The following ALDH18A1 variants were observed in gnomAD, a reference collection of about 807,000 sequenced individuals.
The protein encoded by ALDH18A1 is aldehyde dehydrogenase 18 family member A1.
Under a neutral mutation model 88.8 loss-of-function variants are expected in ALDH18A1, and 44 were observed. The observed-to-expected ratio is 0.50, with a 90% confidence interval of 0.39 to 0.64. The LOEUF (loss-of-function observed/expected upper bound fraction) is 0.64. Ranked by LOEUF, ALDH18A1 falls within the 30% of genes least tolerant of loss-of-function variation. The probability of loss-of-function intolerance (pLI) is 0.00; values close to 1 mark genes in which losing one functional copy is unlikely to be tolerated. For missense variants in ALDH18A1, 782 were observed against 1,009.5 expected (o/e 0.77, Z 3.05); for synonymous variants, 331 against 372.1 (o/e 0.89, Z 1.27).
At chr10:95,641,724 A>T (rs1378794954) in intron 3 of ALDH18A1, among the ~76,000 whole-genome samples, 1 of 152,060 alleles carries the variant, frequency 6.6e-6, no homozygotes, top group Non-Finnish European at 1.5e-5. Context: ...TTGCAGCCTC[A>T]ATCTCCCAGG....
At chr10:95,617,524 C>T (rs2097846014) in intron 12 of ALDH18A1, among the ~76,000 whole-genome samples, 1 of 152,236 alleles carries the variant, frequency 6.6e-6, no homozygotes, top group Admixed American at 6.5e-5. Flanking sequence ...GTCTTTTTCC[C>T]ACATGCCTGT....
chr10:95,627,651 G>C, intron 8 of ALDH18A1, 65 bp from the exon 9 acceptor site: 1 of 1,579,266 alleles, frequency 6.3e-7, no homozygotes, highest in Middle Eastern at 1.7e-4. Context: ...TTTTAAACTT[G>C]CAAAAAGATA....
chr10:95,650,310 A>C (rs2097908450), intron 2 of ALDH18A1, among the ~76,000 whole-genome samples: 1 of 152,198 alleles, frequency 6.6e-6, no homozygotes, highest in South Asian at 2.1e-4. Context: ...ACTGGGAGAA[A>C]ACATTTGCAA....
chr10:95,625,563 T>A, intron 10 of ALDH18A1, 108 bp from the exon 11 acceptor site: 1 of 854,408 alleles, frequency 1.2e-6, no homozygotes, highest in Non-Finnish European at 2.0e-6. Flanking sequence ...TGCTCCCACA[T>A]CCACGGTCAT....
At chr10:95,641,921 C>T (rs181098003) in intron 3 of ALDH18A1, among the ~76,000 whole-genome samples, 6 of 152,096 alleles carry the variant, frequency 3.9e-5, no homozygotes, top group Non-Finnish European at 8.8e-5. Flanking sequence ...GGATTACAGG[C>T]GCAAGTCACC....
intron 1 of ALDH18A1, among the ~76,000 whole-genome samples, chr10:95,654,435 C>CT (rs538270715): frequency 4.4e-4 from 67 of 152,142 alleles, no homozygotes; most frequent in Middle Eastern, 3.4e-3. Flanking sequence ...TATTGTAGCT[C>CT]TTTTTATGCT....
In ALDH18A1 at chr10:95,616,568, C is replaced by T. The variant is rs1380907912; in HGVS notation, c.1514G>A (p.Gly505Glu). 1 of 1,604,444 alleles carries T rather than the reference C, an allele frequency of 6.2e-7. No homozygotes were observed. Among genetic ancestry groups the T allele is most frequent in the East Asian group, 2.2e-5 (1 of 44,726 alleles). ...GTTGCTGTGTGCAGCCTCCTTCCCT[C>T]CTTTGAGTAACAAGCCATTGCCACT... ...IASGNGLLLKGGKEAAHSNRI... is the reference protein window; with the variant it reads ...IASGNGLLLKEGKEAAHSNRI... The change falls in exon 13 of 18, where the codon GGA (glycine) becomes GAA (glutamate). Residue 505 changes from glycine to glutamate, a missense_variant. Physicochemically the swap from Gly to Glu is moderately conservative, Grantham distance 98. Around this residue, in one of 3 missense-constraint regions of ALDH18A1, gnomAD observed 556 missense variants for 654.5 expected, o/e 0.85. Coordinates refer to ENST00000371224, the MANE Select transcript of ALDH18A1 (RefSeq NM_002860.4).
intron 2 of ALDH18A1, among the ~76,000 whole-genome samples, chr10:95,650,586 C>G (rs937920902): frequency 2.0e-5 from 3 of 152,122 alleles, no homozygotes; most frequent in African/African-American, 7.2e-5. Flanking sequence ...TCCTCTCTGG[C>G]CATCTGATTT....
intron 2 of ALDH18A1, among the ~76,000 whole-genome samples, chr10:95,644,957 C>T (rs978724405): frequency 1.3e-5 from 2 of 152,314 alleles, no homozygotes; most frequent in Admixed American, 1.3e-4. Flanking sequence ...TCTTGCAGGG[C>T]TGCTAGGCTT....
intron 2 of ALDH18A1, among the ~76,000 whole-genome samples, chr10:95,645,081 G>C (rs1394837280): frequency 6.6e-6 from 1 of 152,208 alleles, no homozygotes; most frequent in Non-Finnish European, 1.5e-5. Context: ...GAGTGCATAG[G>C]CAGATGGACT....
rs367667655 is a variant in ALDH18A1, at chr10:95,637,046, A to C, written c.558+47T>G. 7.7e-5 allele frequency: 121 copies of C among 1,574,702 alleles called. 1 individual carries two copies. The highest frequency in any genetic ancestry group is 3.8e-4 in the Middle Eastern group (2 of 5,274). ...GCTCCAGACCCCTTTGTTCCACAACAACCACCCTCACAGGTCCCACACCCA... is the reference window on the plus strand; with the variant it reads ...GCTCCAGACCCCTTTGTTCCACAACCACCACCCTCACAGGTCCCACACCCA... On this transcript the variant is annotated intron_variant, in intron 5 of 17. Coordinates refer to ENST00000371224, the MANE Select transcript of ALDH18A1 (RefSeq NM_002860.4).
rs767093876 is a variant in ALDH18A1, at chr10:95,637,438, TG to T, written c.304-3del. On this transcript the variant is annotated splice_region_variant and splice_polypyrimidine_tract_variant and intron_variant, in intron 3 of 17. Transcript: ENST00000371224. ...GCCCTGATTCTGCAGCACTGATACCTGGGCATTGAGAAAGGAAAGGGGACTG... is the reference window on the plus strand; with the variant it reads ...GCCCTGATTCTGCAGCACTGATACCTGGCATTGAGAAAGGAAAGGGGACTG... 7 of 1,614,034 alleles carry T rather than the reference TG, an allele frequency of 4.3e-6. No homozygotes were observed. In the Admixed American group the frequency reaches 1.0e-4, roughly 23 times the overall value.
chr10:95,647,969 T>C (rs532430095), intron 2 of ALDH18A1, among the ~76,000 whole-genome samples: 68 of 152,352 alleles, frequency 4.5e-4, no homozygotes, highest in African/African-American at 1.6e-3. Flanking sequence ...TCTTCATCTG[T>C]TTCCTTTGTA....
chr10:95,621,756 A>G (rs1449464399), intron 11 of ALDH18A1, among the ~76,000 whole-genome samples: 2 of 152,028 alleles, frequency 1.3e-5, no homozygotes, highest in Non-Finnish European at 2.9e-5. Flanking sequence ...GTACCCTGAT[A>G]CCCTTTGTCC....
intron 8 of ALDH18A1, 89 bp downstream of exon 8, chr10:95,628,279 T>C: frequency 6.3e-7 from 1 of 1,581,718 alleles, no homozygotes; most frequent in Non-Finnish European, 8.7e-7. Context: ...TCTGAACCAT[T>C]AACCCCCAAA....
chr10:95,632,362 T>TTTTA (rs760484446), intron 7 of ALDH18A1, among the ~76,000 whole-genome samples: 6 of 152,280 alleles, frequency 3.9e-5, no homozygotes, highest in South Asian at 4.1e-4. Flanking sequence ...AATTGTAAAC[T>TTTTA]TTTATTTATT....
At chr10:95,611,194 A>G in intron 16 of ALDH18A1, 62 bp downstream of exon 16, 1 of 1,598,684 alleles carries the variant, frequency 6.3e-7, no homozygotes, top group South Asian at 1.1e-5. Flanking sequence ...GGGGGCTAAG[A>G]GGAGCAGGAT....
At chr10:95,639,109 A>T (rs1354369912) in intron 3 of ALDH18A1, among the ~76,000 whole-genome samples, 1 of 152,128 alleles carries the variant, frequency 6.6e-6, no homozygotes, top group Non-Finnish European at 1.5e-5. Context: ...AGGTGGGACG[A>T]CTGCTTGAGG....
intron 5 of ALDH18A1, among the ~76,000 whole-genome samples, chr10:95,634,807 A>G (rs1178635477): frequency 6.6e-6 from 1 of 152,230 alleles, no homozygotes; most frequent in African/African-American, 2.4e-5. Context: ...GCAAGAAACT[A>G]AATGGCAACA....
Sources: gnomAD v4.1 joint callset for allele counts (sites outside exome capture counted in the v4.1 genomes callset) on GRCh38, gnomAD v4.1.1 for gene constraint, gnomAD v4.1.1 regional missense constraint, MANE v1.5 for transcripts, NCBI Gene and HGNC (gene_info 2026-07-23, HGNC 2026-07-21) for gene names.